NFATC2: variants seen among roughly 807,000 people sequenced by gnomAD.
NFATC2 encodes nuclear factor of activated T-cells, cytoplasmic 2.
NFATC2 carries 22 observed loss-of-function variants against 87.3 expected under a neutral mutation model. That is an observed-to-expected ratio of 0.25 (90% CI 0.18 to 0.36). The LOEUF (loss-of-function observed/expected upper bound fraction) is 0.36, where lower values mean the gene tolerates loss of function less well. Among genes scored for constraint, NFATC2 ranks in the 10% least tolerant of loss-of-function variants. The pLI is 1.00. For synonymous variants in NFATC2, 565 were observed against 542.2 expected (o/e 1.04, Z -0.58); for missense variants, 1,149 against 1,259.1 (o/e 0.91, Z 1.32).
chr20:51,447,110 T>C (rs1033131363), intron 6 of NFATC2, among the ~76,000 whole-genome samples: 1 of 152,022 alleles, frequency 6.6e-6, no homozygotes, highest in Non-Finnish European at 1.5e-5. Flanking sequence ...ATTTTAAGCA[T>C]ATGCATTTAT....
At chr20:51,420,753 C>T (rs544707601) in intron 9 of NFATC2, among the ~76,000 whole-genome samples, 6 of 152,082 alleles carry the variant, frequency 3.9e-5, no homozygotes, top group South Asian at 4.2e-4. Context: ...ATAAGACAAC[C>T]GGAAGTTTAA....
chr20:51,475,628 T>C lies in NFATC2; in HGVS notation c.1365A>G (p.Gly455=), dbSNP rs748427688. ...CAGCTGTCCCAATGAAGATCTGAAG[T>C]CCCAGAGGCTTGTTTTCCATGTAGC... ...LHGYMENKPL[G]LQIFIGTADE... Residue 455 remains glycine (G), a synonymous_variant, in exon 4 of 11, where the codon GGA becomes GGG. Coordinates refer to ENST00000371564, the MANE Select transcript of NFATC2 (RefSeq NM_012340.5). 4.8e-5 allele frequency: 77 copies of C among 1,613,948 alleles called. 1 individual carries two copies. The highest frequency in any genetic ancestry group is 6.4e-5 in the Non-Finnish European group (75 of 1,180,024).
At chr20:51,500,461 C>G (rs573839947) in intron 3 of NFATC2, among the ~76,000 whole-genome samples, 1 of 151,848 alleles carries the variant, frequency 6.6e-6, no homozygotes, top group Non-Finnish European at 1.5e-5. Flanking sequence ...TTGGGTGATA[C>G]CTATTACTCT....
chr20:51,560,690 C>T (rs1231309311), intron 1 of NFATC2, among the ~76,000 whole-genome samples: 8 of 152,122 alleles, frequency 5.3e-5, no homozygotes, highest in African/African-American at 1.7e-4. Flanking sequence ...AAGTGTGGTT[C>T]GCCTGGAACA....
chr20:51,473,602 G>A (rs1988437759), intron 5 of NFATC2, among the ~76,000 whole-genome samples: 2 of 152,126 alleles, frequency 1.3e-5, no homozygotes. Context: ...TATTGTTATT[G>A]AAAGGATAAA....
chr20:51,542,755 G>GA (rs1017683207), upstream of NFATC2: 2 of 395,494 alleles, frequency 5.1e-6, no homozygotes, highest in Non-Finnish European at 3.0e-6. Context: ...GAGGCGGGGG[G>GA]GGGGGGGGCG....
At chr20:51,428,675 G>T (rs7265662) in intron 9 of NFATC2, among the ~76,000 whole-genome samples, 26,377 of 152,114 alleles carry the variant, frequency 0.17, 3,040 homozygotes, top group East Asian at 0.36. Context: ...GGCAGGGGCG[G>T]GATCAGCTTC....
intron 3 of NFATC2, among the ~76,000 whole-genome samples, chr20:51,507,177 G>A (rs2076197800): frequency 6.6e-6 from 1 of 152,232 alleles, no homozygotes; most frequent in Non-Finnish European, 1.5e-5. Flanking sequence ...TCAAAGCCAA[G>A]GCCAGGGCTT....
In NFATC2 at chr20:51,408,507, CT is replaced by C. The variant is rs760936981; in HGVS notation, c.2723-9778del. Among the ~76,000 whole-genome samples, 29 of 44,394 alleles carry C rather than the reference CT, an allele frequency of 6.5e-4. 3 individuals carry two copies. Among genetic ancestry groups the C allele is most frequent in the Admixed American group, 1.7e-3 (6 of 3,504 alleles). The allele number at this position is 44,394 out of a possible 152,430, so 29.1% of individuals were successfully genotyped here. A position where few individuals can be genotyped will look rare whatever the true frequency, so the allele number is the denominator to read the frequency against. On this transcript the variant is annotated intron_variant, in intron 9 of 10. Transcript: ENST00000371564. Reference sequence around the variant, plus strand: ...CCAGCCTGGGGGACTGAGCAAGACTCTTTTTAAAAAAAAAAAAAAAAAAAGC... The same window carrying C: ...CCAGCCTGGGGGACTGAGCAAGACTCTTTTAAAAAAAAAAAAAAAAAAAGC...
At chr20:51,534,866 C>T (rs941945884) in intron 1 of NFATC2, among the ~76,000 whole-genome samples, 4 of 152,174 alleles carry the variant, frequency 2.6e-5, no homozygotes, top group Non-Finnish European at 4.4e-5. Context: ...TAAAATCATA[C>T]AGGATGTATA....
At chr20:51,412,771 C>A (rs1979443546) in intron 9 of NFATC2, among the ~76,000 whole-genome samples, 1 of 152,134 alleles carries the variant, frequency 6.6e-6, no homozygotes, top group Admixed American at 6.5e-5. Flanking sequence ...ACGCAGCCCT[C>A]AGAACAGGGG....
At position 51,435,605 on chromosome 20, in the gene NFATC2, T is replaced by C. The variant is rs865997857; in HGVS notation, c.1905+101A>G. 4.7e-5 allele frequency: 61 copies of C among 1,304,656 alleles called. No individual in the cohort carries two copies. The Middle Eastern group carries it at 1.1e-3, about 23-fold the overall frequency. The allele number at this position is 1,304,656 out of a possible 1,614,324, so 80.8% of individuals were successfully genotyped here. ...ATTGAGTACCTGTTAGGTCCAGAGC[T>C]CTGGGGGACACTGATGAAGGAAGGA... On this transcript the variant is annotated intron_variant, in intron 7 of 10. Transcript: ENST00000371564.
intron 5 of NFATC2, among the ~76,000 whole-genome samples, chr20:51,464,082 T>A (rs1372676671): frequency 6.6e-6 from 1 of 152,208 alleles, no homozygotes; most frequent in Non-Finnish European, 1.5e-5. Flanking sequence ...TGTTGCAGGC[T>A]GTCTGCTCGA....
At chr20:51,536,390 C>T (rs2076720540) in intron 1 of NFATC2, among the ~76,000 whole-genome samples, 1 of 152,170 alleles carries the variant, frequency 6.6e-6, no homozygotes, top group South Asian at 2.1e-4. Context: ...CTTACCAATG[C>T]AAACTCTCAG....
intron 7 of NFATC2, among the ~76,000 whole-genome samples, 190 bp from the exon 8 acceptor site, chr20:51,435,504 A>G (rs113018839): frequency 1.2e-4 from 18 of 152,320 alleles, no homozygotes; most frequent in African/African-American, 3.8e-4. Flanking sequence ...CCATCAAAAT[A>G]TAATAAGGTG....
intron 10 of NFATC2, among the ~76,000 whole-genome samples, chr20:51,392,706 C>CAT (rs1986502701): frequency 6.6e-6 from 1 of 152,222 alleles, no homozygotes; most frequent in Admixed American, 6.5e-5. Context: ...CACACCTCCT[C>CAT]ATACTTCCTT....
Position 51,441,813 on chromosome 20 carries a change from T to G in NFATC2, c.1850-6052A>C, listed in dbSNP as rs563667366. ...AGTGTATGTGAAATGCTTAGTAAAA[T>G]TCCCAGCGCATAGTTAATGCTGCTG... On this transcript the variant is annotated intron_variant, in intron 6 of 10. Coordinates refer to ENST00000371564, the MANE Select transcript of NFATC2 (RefSeq NM_012340.5). Among the ~76,000 whole-genome samples, 24 of 152,062 alleles carry G rather than the reference T, an allele frequency of 1.6e-4. No individual in the cohort carries two copies. The South Asian group carries it at 4.6e-3, about 29-fold the overall frequency.
In NFATC2 at chr20:51,450,356, T is replaced by C. The variant is rs190213081; in HGVS notation, c.1849+4192A>G. Among the ~76,000 whole-genome samples the C allele has an allele frequency of 3.3e-5, 5 of 152,246 alleles. 1 individual carries two copies. The highest frequency in any genetic ancestry group is 7.4e-5 in the Non-Finnish European group (5 of 68,016). On this transcript the variant is annotated intron_variant, in intron 6 of 10. Transcript: ENST00000371564. ...TGATGACTATGTCCTGAGTAATGAA[T>C]ATCACAAGACCATAAAAATAATAAC...
At chr20:51,540,647 G>GTTTTTTTTTTTTTTT (rs375172598) in intron 1 of NFATC2, among the ~76,000 whole-genome samples, 1,518 of 112,776 alleles carry the variant, frequency 0.013, 404 homozygotes, top group African/African-American at 0.057. Flanking sequence ...AAAAACTGAA[G>GTTTTTTTTTTTTTTT]TTTTTTTTTT....
Sources: gnomAD v4.1 joint callset for allele counts (sites outside exome capture counted in the v4.1 genomes callset) on GRCh38, gnomAD v4.1.1 for gene constraint, MANE v1.5 for transcripts, NCBI Gene and HGNC (gene_info 2026-07-23, HGNC 2026-07-21) for gene names.